The following MRM1 variants were observed in gnomAD, a reference collection of about 807,000 sequenced individuals.
MRM1 encodes mitochondrial rRNA methyltransferase 1.
A neutral mutation model predicts 25.0 loss-of-function variants in MRM1; 24 were observed. The ratio of observed to expected loss-of-function variants is 0.96; its 90% CI spans 0.69 to 1.35. The LOEUF (loss-of-function observed/expected upper bound fraction) is 1.35. Ranked by LOEUF, MRM1 falls within the 40% of genes most tolerant of loss-of-function variation. The pLI is 0.00. For synonymous variants in MRM1, 188 were observed against 199.2 expected (o/e 0.94, Z 0.47); for missense variants, 431 against 464.1 (o/e 0.93, Z 0.65).
At chr17:36,617,910 C>T in the MRM1 span, among the ~76,000 whole-genome samples, 31 of 152,290 alleles carry the variant, frequency 2.0e-4, no homozygotes, top group Admixed American at 1.2e-3. Context: ...CATGCCTGGT[C>T]CTCTCCTTCC....
At chr17:36,609,371 G>A (rs779601955), downstream of MRM1, among the ~76,000 whole-genome samples, 2 of 152,182 alleles carry the variant, frequency 1.3e-5, no homozygotes, top group African/African-American at 4.8e-5. Context: ...CCTGGCATCC[G>A]GCTTTCGAAA....
At position 36,608,526 on chromosome 17, in the gene MRM1, A is replaced by C; in HGVS notation, c.*111A>C. 1.5e-5 allele frequency: 6 copies of C among 396,008 alleles called. No homozygotes were observed. The highest frequency in any genetic ancestry group is 8.0e-5 in the East Asian group (1 of 12,556). 24.5% of individuals were successfully genotyped at this position (396,008 alleles called of 1,614,324 possible). A position where few individuals can be genotyped will look rare whatever the true frequency, so the allele number is the denominator to read the frequency against. ...CTGAGTGTGCACCAGGCCCATGTTTATTGACCACAGTCTGGGGGGGGGGGA... is the reference window on the plus strand; with the variant it reads ...CTGAGTGTGCACCAGGCCCATGTTTCTTGACCACAGTCTGGGGGGGGGGGA... On this transcript the variant is annotated 3_prime_UTR_variant, in exon 5 of 5. Transcript: ENST00000614766.
At chr17:36,633,139 G>T in the MRM1 span, among the ~76,000 whole-genome samples, 2 of 152,136 alleles carry the variant, frequency 1.3e-5, no homozygotes, top group Non-Finnish European at 2.9e-5. Flanking sequence ...CCTTCACCGC[G>T]GGGATCACAG....
chr17:36,625,643 G>A, the MRM1 span, among the ~76,000 whole-genome samples: 1 of 151,708 alleles, frequency 6.6e-6, no homozygotes, highest in East Asian at 1.9e-4. Flanking sequence ...TGTATTTTTA[G>A]TAGAGTTGGG....
the MRM1 span, among the ~76,000 whole-genome samples, chr17:36,617,931 C>T: frequency 2.0e-5 from 3 of 152,196 alleles, no homozygotes; most frequent in South Asian, 2.1e-4. Flanking sequence ...CTCTCCCCAC[C>T]GGCTTCCTGT....
chr17:36,608,441 G>A lies in MRM1; in HGVS notation c.*26G>A. The A allele has an allele frequency of 6.9e-7, 1 of 1,454,770 alleles. No individual in the cohort carries two copies. The highest frequency in any genetic ancestry group is 9.1e-7 in the Non-Finnish European group (1 of 1,099,090). The allele number at this position is 1,454,770 out of a possible 1,614,324, so 90.1% of individuals were successfully genotyped here. A position where few individuals can be genotyped will look rare whatever the true frequency, so the allele number is the denominator to read the frequency against. Reference sequence around the variant, plus strand: ...CGTGGACTGTCCACAGTGTTCATGTGCTGGAGTCAGGGACGGCCGCACCTG... The same window carrying A: ...CGTGGACTGTCCACAGTGTTCATGTACTGGAGTCAGGGACGGCCGCACCTG... On this transcript the variant is annotated 3_prime_UTR_variant, in exon 5 of 5. Transcript: ENST00000614766.
chr17:36,623,121 G>T, the MRM1 span, among the ~76,000 whole-genome samples: 1 of 152,198 alleles, frequency 6.6e-6, no homozygotes. Flanking sequence ...CTGCACAGGC[G>T]TGTCATGTGA....
At chr17:36,609,694 G>GT (rs2074963024), downstream of MRM1, among the ~76,000 whole-genome samples, 1 of 151,966 alleles carries the variant, frequency 6.6e-6, no homozygotes, top group Admixed American at 6.6e-5. Flanking sequence ...ATGTGACCTT[G>GT]GGGGGGCGCT....
Position 36,602,477 on chromosome 17 carries a change from C to T in MRM1, c.543-76C>T. On this transcript the variant is annotated intron_variant, in intron 1 of 4. Transcript: ENST00000614766. The surrounding 1 kb of genome is among the most constrained non-coding windows in gnomAD (Gnocchi z 4.1). ...TCCCAGAACTCTCATCCCCCTAGCC[C>T]TTGGGAGCCCTGGGAGGGTAGGGAG... 3 of 1,605,992 alleles carry T rather than the reference C, an allele frequency of 1.9e-6. No individual in the cohort carries two copies. The highest frequency in any genetic ancestry group is 2.2e-5 in the South Asian group (2 of 90,374).
the MRM1 span, among the ~76,000 whole-genome samples, chr17:36,617,518 G>A: frequency 3.3e-5 from 5 of 151,282 alleles, no homozygotes; most frequent in South Asian, 2.1e-4. Flanking sequence ...TCAGCCTCCC[G>A]AGTAGCTGGG....
chr17:36,623,053 G>A, the MRM1 span, among the ~76,000 whole-genome samples: 1 of 152,196 alleles, frequency 6.6e-6, no homozygotes, highest in Non-Finnish European at 1.5e-5. Context: ...TGGGGCACGG[G>A]GTATGTTCCC....
chr17:36,612,137 G>A (rs545228260), downstream of MRM1, among the ~76,000 whole-genome samples: 81 of 152,098 alleles, frequency 5.3e-4, no homozygotes, highest in Non-Finnish European at 9.7e-4. Flanking sequence ...CTCCTCCATG[G>A]TGGCTGGAAC....
chr17:36,626,431 C>T, the MRM1 span, among the ~76,000 whole-genome samples: 3 of 152,044 alleles, frequency 2.0e-5, no homozygotes, highest in Non-Finnish European at 4.4e-5. Context: ...GGCGTGATCT[C>T]GGCTCACTGC....
the MRM1 span, among the ~76,000 whole-genome samples, chr17:36,629,879 C>G: frequency 2.0e-5 from 3 of 152,164 alleles, no homozygotes; most frequent in Admixed American, 2.0e-4. Flanking sequence ...CTGCCTTGCC[C>G]TTGGACAAGG....
downstream of MRM1, among the ~76,000 whole-genome samples, chr17:36,613,562 C>A (rs1242547503): frequency 6.6e-6 from 1 of 152,196 alleles, no homozygotes; most frequent in Non-Finnish European, 1.5e-5. Context: ...GTGAACAGAG[C>A]TAGAGGTCCC....
At chr17:36,629,216 G>C in the MRM1 span, among the ~76,000 whole-genome samples, 20,002 of 152,200 alleles carry the variant, frequency 0.13, 1,629 homozygotes, top group Admixed American at 0.26. Context: ...ACAGGGCCCT[G>C]CAGGCAGTGT....
At chr17:36,628,133 C>T in the MRM1 span, among the ~76,000 whole-genome samples, 1 of 152,152 alleles carries the variant, frequency 6.6e-6, no homozygotes, top group African/African-American at 2.4e-5. Flanking sequence ...AGCTTCAATA[C>T]CATTTTACTG....
At chr17:36,627,743 T>C in the MRM1 span, among the ~76,000 whole-genome samples, 70 of 149,958 alleles carry the variant, frequency 4.7e-4, no homozygotes, top group Admixed American at 4.7e-3. Context: ...GGTGCAATCT[T>C]GGCTCACACA....
At chr17:36,626,701 A>G in the MRM1 span, among the ~76,000 whole-genome samples, 2 of 152,276 alleles carry the variant, frequency 1.3e-5, no homozygotes, top group South Asian at 4.1e-4. Context: ...CACCTTGATC[A>G]TGGCTCTGTC....
Sources: allele counts gnomAD v4.1 joint callset (sites outside exome capture counted in the v4.1 genomes callset), GRCh38; gene constraint gnomAD v4.1.1; non-coding constraint Gnocchi (gnomAD v3.1); transcripts MANE v1.5; gene names NCBI Gene and HGNC (gene_info 2026-07-23, HGNC 2026-07-21).